Variants in UTY observed in about 807,000 individuals in gnomAD.
UTY encodes histone demethylase UTY.
Under a neutral mutation model 32.5 loss-of-function variants are expected in UTY, and 12 were observed. The observed-to-expected ratio is 0.37, with a 90% CI of 0.24 to 0.60. The LOEUF (loss-of-function observed/expected upper bound fraction) is 0.60. Among genes scored for constraint, UTY ranks in the 20% least tolerant of loss-of-function variants. The probability of loss-of-function intolerance (pLI) is 0.69; values close to 1 mark genes in which losing one functional copy is unlikely to be tolerated. For missense variants in UTY, 303 were observed against 299.2 expected (o/e 1.01, Z -0.09); for synonymous variants, 131 against 103.4 (o/e 1.27, Z -1.62).
intron 13 of UTY, 54 bp downstream of exon 13, chrY:13,359,033 GA>G (rs764207628): frequency 3.9e-5 from 10 of 255,796 alleles, no homozygotes; most frequent in Admixed American, 1.2e-4. Flanking sequence ...ACTGAAGAGT[GA>G]AAAAAAAAAA....
intron 4 of UTY, among the ~76,000 whole-genome samples, chrY:13,419,475 G>C (rs2072251873): frequency 2.9e-5 from 1 of 34,059 alleles, no homozygotes; most frequent in African/African-American, 1.1e-4. Context: ...GCTTAAGATG[G>C]GGTTATGTCC....
At chrY:13,242,320 C>G (rs2053911253) in intron 28 of UTY, among the ~76,000 whole-genome samples, 1 of 32,763 alleles carries the variant, frequency 3.1e-5, no homozygotes, top group African/African-American at 1.2e-4. Flanking sequence ...ATACCAAAAC[C>G]AGAAAACACA....
At chrY:13,457,318 T>G (rs2150145573) in intron 3 of UTY, among the ~76,000 whole-genome samples, 4 of 33,253 alleles carry the variant, frequency 1.2e-4, no homozygotes, top group African/African-American at 4.6e-4. Context: ...GCACCAAAAT[T>G]TTAAATATTT....
At chrY:13,412,825 T>C in intron 5 of UTY, among the ~76,000 whole-genome samples, 1 of 33,768 alleles carries the variant, frequency 3.0e-5, no homozygotes, top group African/African-American at 1.2e-4. Context: ...GGGCAAAGCA[T>C]AATAAATTAT....
intron 5 of UTY, among the ~76,000 whole-genome samples, chrY:13,413,219 T>C: frequency 3.0e-5 from 1 of 33,865 alleles, no homozygotes; most frequent in Non-Finnish European, 7.4e-5. Flanking sequence ...GTAAAACTTT[T>C]CTGCCTTGCT....
chrY:13,326,914 A>T, intron 18 of UTY, among the ~76,000 whole-genome samples: 1 of 33,780 alleles, frequency 3.0e-5, no homozygotes, highest in African/African-American at 1.1e-4. Flanking sequence ...ACATCTTATA[A>T]TTTTAAGTGA....
intron 6 of UTY, among the ~76,000 whole-genome samples, chrY:13,404,509 C>T (rs763224232): frequency 4.8e-4 from 16 of 33,468 alleles, no homozygotes; most frequent in African/African-American, 1.9e-3. Flanking sequence ...TTTTAACAGA[C>T]ATCACTGCTG....
chrY:13,381,510 G>A, intron 8 of UTY, among the ~76,000 whole-genome samples: 1 of 34,068 alleles, frequency 2.9e-5, no homozygotes, highest in Admixed American at 2.6e-4. Flanking sequence ...GGCAACAAGA[G>A]TGAAACTCTG....
At chrY:13,396,381 T>A in intron 7 of UTY, 1 of 33,861 alleles carries the variant, frequency 3.0e-5, no homozygotes, top group Admixed American at 2.7e-4. Context: ...TAAAGTTTCA[T>A]ATTCTTTTTA....
At chrY:13,463,506 T>C (rs2077618227) in intron 3 of UTY, among the ~76,000 whole-genome samples, 1 of 33,523 alleles carries the variant, frequency 3.0e-5, no homozygotes, top group African/African-American at 1.2e-4. Context: ...TTCCTATTTC[T>C]CCATATCCTC....
At chrY:13,388,178 A>G in intron 8 of UTY, among the ~76,000 whole-genome samples, 1 of 34,115 alleles carries the variant, frequency 2.9e-5, no homozygotes, top group Non-Finnish European at 7.3e-5. Flanking sequence ...AATAACACCA[A>G]AAGAAGTAAC....
chrY:13,389,184 G>C, intron 8 of UTY, among the ~76,000 whole-genome samples: 1 of 32,579 alleles, frequency 3.1e-5, no homozygotes, highest in Non-Finnish European at 7.5e-5. Flanking sequence ...ACTTTTACTT[G>C]TAGGTTACTT....
At chrY:13,433,890 A>C in intron 4 of UTY, among the ~76,000 whole-genome samples, 1 of 34,057 alleles carries the variant, frequency 2.9e-5, no homozygotes, top group Non-Finnish European at 7.3e-5. Flanking sequence ...AACATTCATC[A>C]CTAATTGCCT....
intron 18 of UTY, among the ~76,000 whole-genome samples, chrY:13,330,641 G>A (rs766435867): frequency 3.0e-5 from 1 of 33,401 alleles, no homozygotes; most frequent in East Asian, 7.8e-4. Flanking sequence ...CCCCACTGGT[G>A]CCCAAAACCC....
chrY:13,349,484 T>C, intron 17 of UTY, among the ~76,000 whole-genome samples: 1 of 32,721 alleles, frequency 3.1e-5, no homozygotes, highest in Admixed American at 2.9e-4. Context: ...TTGCAAAATA[T>C]GAGGGAATAC....
At chrY:13,421,506 A>G in intron 4 of UTY, among the ~76,000 whole-genome samples, 2 of 33,788 alleles carry the variant, frequency 5.9e-5, no homozygotes, top group Non-Finnish European at 1.5e-4. Flanking sequence ...TATGCACAAT[A>G]GCAAACACAT....
At chrY:13,280,655 G>A (rs2056954952) in intron 27 of UTY, among the ~76,000 whole-genome samples, 1 of 32,245 alleles carries the variant, frequency 3.1e-5, no homozygotes, top group Non-Finnish European at 7.5e-5. Flanking sequence ...GGGATTACAG[G>A]CGCCCACCAC....
intron 8 of UTY, among the ~76,000 whole-genome samples, chrY:13,373,352 G>C: frequency 3.0e-5 from 1 of 33,776 alleles, no homozygotes; most frequent in Non-Finnish European, 7.3e-5. Context: ...GATATCACGA[G>C]CTGAAGTCAG....
chrY:13,260,686 A>T, intron 27 of UTY, among the ~76,000 whole-genome samples: 1 of 33,624 alleles, frequency 3.0e-5, no homozygotes, highest in South Asian at 6.4e-4. Flanking sequence ...AATTTGGACA[A>T]GTAAAATAAC....
Sources: allele counts gnomAD v4.1 joint callset (sites outside exome capture counted in the v4.1 genomes callset), GRCh38; gene constraint gnomAD v4.1.1; transcripts MANE v1.5; gene names NCBI Gene and HGNC (gene_info 2026-07-23, HGNC 2026-07-21).